The following ZBTB20 variants were observed in gnomAD, a reference collection of about 807,000 sequenced individuals.
The protein encoded by ZBTB20 is zinc finger and BTB domain-containing protein 20.
Under a neutral mutation model 56.9 loss-of-function variants are expected in ZBTB20, and 9 were observed. The ratio of observed to expected loss-of-function variants is 0.16; its 90% CI spans 0.10 to 0.28. ZBTB20 has a LOEUF of 0.28. Among genes scored for constraint, ZBTB20 ranks in the 10% least tolerant of loss-of-function variants. The pLI is 1.00. For synonymous variants in ZBTB20, 417 were observed against 420.7 expected (o/e 0.99, Z 0.11); for missense variants, 655 against 1,003.0 (o/e 0.65, Z 4.69).
At chr3:114,705,552 C>A (rs1277618760) in intron 5 of ZBTB20, among the ~76,000 whole-genome samples, 1 of 152,172 alleles carries the variant, frequency 6.6e-6, no homozygotes, top group African/African-American at 2.4e-5. Context: ...AAGACCCACA[C>A]CCACTTCTTC....
intron 7 of ZBTB20, among the ~76,000 whole-genome samples, chr3:114,482,622 T>C (rs942581065): frequency 2.6e-5 from 4 of 152,222 alleles, no homozygotes; most frequent in African/African-American, 7.2e-5. Flanking sequence ...AACTACATTT[T>C]ATATTGTGAC....
At chr3:114,474,287 T>A (rs2040488990) in intron 7 of ZBTB20, among the ~76,000 whole-genome samples, 1 of 152,210 alleles carries the variant, frequency 6.6e-6, no homozygotes, top group Admixed American at 6.5e-5. Flanking sequence ...ATTGACCCCA[T>A]TAGCTATATC....
chr3:114,748,619 C>T (rs918949676), intron 5 of ZBTB20, among the ~76,000 whole-genome samples: 5 of 152,000 alleles, frequency 3.3e-5, no homozygotes, highest in Admixed American at 6.6e-5. Context: ...ACTCAATGGT[C>T]CAACTGCATA....
chr3:114,778,514 C>T (rs370535491), intron 5 of ZBTB20, among the ~76,000 whole-genome samples: 1 of 152,086 alleles, frequency 6.6e-6, no homozygotes, highest in Non-Finnish European at 1.5e-5. Flanking sequence ...TACACCTGAA[C>T]TCTATGATTC....
chr3:114,909,551 C>T (rs940902509), intron 3 of ZBTB20, among the ~76,000 whole-genome samples: 3 of 151,990 alleles, frequency 2.0e-5, no homozygotes, highest in African/African-American at 4.8e-5. Context: ...ATTCATTAAC[C>T]ACTCACTCAC....
intron 7 of ZBTB20, among the ~76,000 whole-genome samples, chr3:114,440,894 A>ATTC (rs2090875498): frequency 6.6e-6 from 1 of 152,154 alleles, no homozygotes; most frequent in South Asian, 2.1e-4. Context: ...ACTTGGAACT[A>ATTC]TTCTCTACAT....
chr3:114,549,834 T>G (rs1287966490), intron 6 of ZBTB20, among the ~76,000 whole-genome samples: 1 of 152,018 alleles, frequency 6.6e-6, no homozygotes, highest in African/African-American at 2.4e-5. Context: ...TACCTGACAT[T>G]TTACTTGCTT....
intron 5 of ZBTB20, among the ~76,000 whole-genome samples, chr3:114,699,363 G>T (rs1304357377): frequency 6.6e-6 from 1 of 152,018 alleles, no homozygotes; most frequent in African/African-American, 2.4e-5. Flanking sequence ...GGCAGGTGGA[G>T]TTTTGATTAG....
intron 7 of ZBTB20, among the ~76,000 whole-genome samples, chr3:114,484,943 T>G (rs1577028391): frequency 6.6e-6 from 1 of 152,168 alleles, no homozygotes; most frequent in South Asian, 2.1e-4. Flanking sequence ...AATAATATAA[T>G]AGCTCAGGTC....
intron 6 of ZBTB20, among the ~76,000 whole-genome samples, chr3:114,544,406 C>CTTTTCTTTCT: frequency 8.2e-6 from 1 of 121,408 alleles, no homozygotes; most frequent in Admixed American, 9.0e-5. Context: ...AACTAGATTT[C>CTTTTCTTTCT]TTCTTTCTTT....
chr3:114,549,752 CTTTT>C (rs941074719), intron 6 of ZBTB20, among the ~76,000 whole-genome samples: 2 of 128,952 alleles, frequency 1.6e-5, no homozygotes, highest in Non-Finnish European at 3.4e-5. Context: ...TGACCTTTTT[CTTTT>C]TTTTTTTTTT....
At chr3:114,786,321 T>G (rs1170715086) in intron 5 of ZBTB20, among the ~76,000 whole-genome samples, 1 of 151,858 alleles carries the variant, frequency 6.6e-6, no homozygotes, top group Non-Finnish European at 1.5e-5. Context: ...GGCCCCAGTG[T>G]GTGATGTTCC....
At chr3:114,504,894 C>T (rs1043115299) in intron 6 of ZBTB20, among the ~76,000 whole-genome samples, 1 of 152,168 alleles carries the variant, frequency 6.6e-6, no homozygotes, top group Non-Finnish European at 1.5e-5. Flanking sequence ...CCGCTGCTGG[C>T]GTCTGAATAA....
chr3:114,365,025 C>G (rs1015944345), intron 10 of ZBTB20, among the ~76,000 whole-genome samples: 1 of 152,164 alleles, frequency 6.6e-6, no homozygotes, highest in Non-Finnish European at 1.5e-5. Context: ...TCTTGAAGTA[C>G]AGGATTGATG....
intron 6 of ZBTB20, among the ~76,000 whole-genome samples, chr3:114,689,569 A>G (rs1317271961): frequency 1.3e-5 from 2 of 152,184 alleles, no homozygotes; most frequent in African/African-American, 4.8e-5. Flanking sequence ...GGCCAAGCAT[A>G]AGGAAACCTG....
Position 114,350,914 on chromosome 3 carries a change from G to C in ZBTB20, c.1164C>G (p.Asp388Glu), listed in dbSNP as rs144663365. 5.2e-3 allele frequency: 8,403 copies of C among 1,606,194 alleles called. 20 individuals are homozygous for C. Among genetic ancestry groups the C allele is most frequent in the Non-Finnish European group, 6.2e-3 (7,336 of 1,179,948 alleles). ...CAGGCCCAAACTGCTGCTCCACCGA[G>C]TCAGGCTCGGTGCCTATGGAGGAGC... ...GVSSSIGTEPDSVEQQFGPGA... is the reference protein window; with the variant it reads ...GVSSSIGTEPESVEQQFGPGA... Residue 388 changes from aspartate to glutamate, a missense_variant, in exon 11 of 12, where the codon GAC becomes GAG. By Grantham distance (45) the Asp-to-Glu change is conservative. Transcript: ENST00000675478.
At chr3:114,390,197 T>C (rs767792470) in intron 7 of ZBTB20, among the ~76,000 whole-genome samples, 1 of 152,136 alleles carries the variant, frequency 6.6e-6, no homozygotes, top group Non-Finnish European at 1.5e-5. Context: ...GCTTTTCTAG[T>C]ACAAAAAAAA....
rs1359785753 is a variant in ZBTB20, at chr3:114,336,483, T to A, written c.*2522A>T. The A allele has an allele frequency of 1.3e-5, 2 of 152,186 alleles. No homozygotes were observed. Among genetic ancestry groups the A allele is most frequent in the Non-Finnish European group, 2.9e-5 (2 of 68,028 alleles). 9.4% of individuals were successfully genotyped at this position (152,186 alleles called of 1,614,324 possible). A position where few individuals can be genotyped will look rare whatever the true frequency, so the allele number is the denominator to read the frequency against. ...ACTCCTCTTAGAAATCACAATAGGT[T>A]ACACTTAATAGTCAGTTAACCACCC... On this transcript the variant is annotated 3_prime_UTR_variant, in exon 12 of 12. Coordinates refer to ENST00000675478, the MANE Select transcript of ZBTB20 (RefSeq NM_001348800.3).
intron 2 of ZBTB20, among the ~76,000 whole-genome samples, chr3:115,006,529 CT>C (rs1458359714): frequency 6.6e-6 from 1 of 150,978 alleles, no homozygotes; most frequent in African/African-American, 2.4e-5. Flanking sequence ...CATGGCACTT[CT>C]TTTTTTTCCC....
Sources: allele counts gnomAD v4.1 joint callset (sites outside exome capture counted in the v4.1 genomes callset), GRCh38; gene constraint gnomAD v4.1.1; transcripts MANE v1.5; gene names NCBI Gene and HGNC (gene_info 2026-07-23, HGNC 2026-07-21).